The following PDZRN4 variants were observed in gnomAD, a reference collection of about 807,000 sequenced individuals.
PDZRN4 encodes the protein PDZ domain-containing RING finger protein 4.
A neutral mutation model predicts 99.0 loss-of-function variants in PDZRN4; 70 were observed. That is an observed-to-expected ratio of 0.71 (90% CI 0.58 to 0.86). The LOEUF is 0.86. Among genes scored for constraint, PDZRN4 ranks in the 40% least tolerant of loss-of-function variants. PDZRN4 has a pLI of 0.00. For synonymous variants in PDZRN4, 551 were observed against 501.6 expected, an observed-to-expected ratio of 1.10 and a Z score of -1.32; for missense variants, 1,474 against 1,331.2, an observed-to-expected ratio of 1.11 and a Z score of -1.67.
chr12:41,339,487 A>C (rs1345585175), intron 3 of PDZRN4, among the ~76,000 whole-genome samples: 3 of 152,130 alleles, frequency 2.0e-5, no homozygotes, highest in Non-Finnish European at 2.9e-5. Context: ...AAAACATTGG[A>C]GAATCTCTCC....
intron 3 of PDZRN4, among the ~76,000 whole-genome samples, chr12:41,442,467 G>T (rs955610064): frequency 1.3e-5 from 2 of 152,040 alleles, no homozygotes; most frequent in Non-Finnish European, 2.9e-5. Flanking sequence ...CATCTGGAGG[G>T]CAGGCCAGGT....
chr12:41,265,087 A>T (rs1378874787), intron 3 of PDZRN4, among the ~76,000 whole-genome samples: 1 of 150,608 alleles, frequency 6.6e-6, no homozygotes. Context: ...GTACCCCCCA[A>T]ATCTAGAATA....
Position 41,573,775 on chromosome 12 carries a change from G to C in PDZRN4, c.2996G>C (p.Arg999Thr), listed in dbSNP as rs774269866. 1.2e-6 allele frequency: 2 copies of C among 1,613,822 alleles called. No homozygotes were observed. Among genetic ancestry groups the C allele is most frequent in the Non-Finnish European group, 1.7e-6 (2 of 1,179,918 alleles). Residue 999 changes from arginine (R) to threonine (T), a missense_variant, in exon 10 of 10, where the codon AGA (arginine) becomes ACA (threonine). Transcript: ENST00000402685. ...AGTCACAAAAAGATGATGAAAAAGA[G>C]AAACAAGAAAATTTTGGACAACTGG... ...ELSHKKMMKK[R>T]NKKILDNWMT... is the part of the protein sequence containing the mutation.
At chr12:41,555,667 C>T (rs2120811018) in intron 6 of PDZRN4, 31 bp from the exon 7 acceptor site, 2 of 1,540,978 alleles carry the variant, frequency 1.3e-6, no homozygotes, top group Non-Finnish European at 1.8e-6. Flanking sequence ...GTTTCATACC[C>T]AGTTGAAGAT....
chr12:41,479,534 A>G (rs1275677123), intron 3 of PDZRN4, among the ~76,000 whole-genome samples: 1 of 152,222 alleles, frequency 6.6e-6, no homozygotes, highest in Admixed American at 6.5e-5. Flanking sequence ...AAATTGAAGT[A>G]GCAGTTCTCT....
chr12:41,452,630 CACAGAGTCAA>C (rs1477545146), intron 3 of PDZRN4, among the ~76,000 whole-genome samples: 1 of 151,980 alleles, frequency 6.6e-6, no homozygotes, highest in Non-Finnish European at 1.5e-5. Flanking sequence ...TATAGAGACC[CACAGAGTCAA>C]ACTCTTTACT....
intron 3 of PDZRN4, among the ~76,000 whole-genome samples, chr12:41,286,896 C>G (rs1330159999): frequency 1.3e-5 from 2 of 152,094 alleles, no homozygotes; most frequent in Non-Finnish European, 2.9e-5. Context: ...TTTAATTTTT[C>G]ACACCTTCTT....
At chr12:41,259,402 A>G (rs1294273467) in intron 3 of PDZRN4, among the ~76,000 whole-genome samples, 1 of 152,168 alleles carries the variant, frequency 6.6e-6, no homozygotes, top group Non-Finnish European at 1.5e-5. Flanking sequence ...TGCTCACACA[A>G]TATCACCATG....
At chr12:41,384,864 G>C (rs368828342) in intron 3 of PDZRN4, among the ~76,000 whole-genome samples, 1 of 152,156 alleles carries the variant, frequency 6.6e-6, no homozygotes, top group Non-Finnish European at 1.5e-5. Flanking sequence ...AAGATTAAAG[G>C]TGGTGTATGC....
rs577308894 is a variant in PDZRN4 at position 41,405,345 on chromosome 12, A to T, written c.844-101111A>T. On this transcript the variant is annotated intron_variant, in intron 3 of 9. Coordinates refer to ENST00000402685, the MANE Select transcript of PDZRN4 (RefSeq NM_001164595.2). ...CAAACAGCCAACAAACATATGAAAA[A>T]ATGCTTGTCATCACTAATTATCAGA... is the stretch of plus-strand genomic sequence containing the variant. Among the ~76,000 whole-genome samples, 20 of 152,332 alleles carry T rather than the reference A, an allele frequency of 1.3e-4. No homozygotes were observed. In the East Asian group the frequency reaches 3.1e-3, roughly 24 times the overall value.
chr12:41,308,964 AT>A (rs1204418535), intron 3 of PDZRN4, among the ~76,000 whole-genome samples: 2 of 152,080 alleles, frequency 1.3e-5, no homozygotes, highest in Non-Finnish European at 1.5e-5. Context: ...TCACATTTCC[AT>A]TTGGGAAAAA....
chr12:41,420,725 T>A (rs1012562917), intron 3 of PDZRN4, among the ~76,000 whole-genome samples: 2 of 152,188 alleles, frequency 1.3e-5, no homozygotes, highest in Admixed American at 1.3e-4. Flanking sequence ...TCTAGGGATA[T>A]CCAAAAGCTC....
intron 3 of PDZRN4, among the ~76,000 whole-genome samples, chr12:41,248,007 G>A (rs1376806878): frequency 1.3e-5 from 2 of 152,198 alleles, no homozygotes; most frequent in African/African-American, 2.4e-5. Context: ...CAGTCATGGC[G>A]AAACGGGAAA....
rs569710685 is a variant in PDZRN4, at chr12:41,212,551, A to G, written c.843+18363A>G. 7.9e-5 allele frequency among the ~76,000 whole-genome samples: 12 copies of G among 152,110 alleles called. No homozygotes were observed. The East Asian group carries it at 2.1e-3, about 27-fold the overall frequency. ...TCTAATTCTCTTTTTTAAAATATTA[A>G]TTTTATCACTTAATAAATGTTTGCC... On this transcript the variant is annotated intron_variant, in intron 3 of 9. Transcript: ENST00000402685.
intron 3 of PDZRN4, among the ~76,000 whole-genome samples, chr12:41,253,121 C>G (rs1356800624): frequency 1.3e-5 from 2 of 152,116 alleles, no homozygotes; most frequent in Non-Finnish European, 2.9e-5. Context: ...TATTGATTAT[C>G]ATTTTACTTT....
chr12:41,210,536 C>A (rs1221960100), intron 3 of PDZRN4, among the ~76,000 whole-genome samples: 1 of 151,872 alleles, frequency 6.6e-6, no homozygotes, highest in East Asian at 1.9e-4. Context: ...TACTTTAGAT[C>A]TACTCTTCAT....
intron 3 of PDZRN4, among the ~76,000 whole-genome samples, chr12:41,457,228 A>G (rs1933533611): frequency 6.6e-6 from 1 of 152,190 alleles, no homozygotes; most frequent in South Asian, 2.1e-4. Flanking sequence ...ATGCTATTGG[A>G]GTATATCATA....
chr12:41,359,080 A>G (rs1341045743), intron 3 of PDZRN4, among the ~76,000 whole-genome samples: 1 of 151,974 alleles, frequency 6.6e-6, no homozygotes, highest in Non-Finnish European at 1.5e-5. Flanking sequence ...TGGGTGACTT[A>G]CCGCAAGTCT....
chr12:41,311,741 T>C (rs962325171), intron 3 of PDZRN4, among the ~76,000 whole-genome samples: 2 of 152,184 alleles, frequency 1.3e-5, no homozygotes, highest in African/African-American at 4.8e-5. Flanking sequence ...TGATGCTCTG[T>C]AGAAACAGAA....
Sources: gnomAD v4.1 joint callset for allele counts (sites outside exome capture counted in the v4.1 genomes callset) on GRCh38, gnomAD v4.1.1 for gene constraint, MANE v1.5 for transcripts, NCBI Gene and HGNC (gene_info 2026-07-23, HGNC 2026-07-21) for gene names.